RMDN2: variants seen among roughly 807,000 people sequenced by gnomAD.
RMDN2 encodes regulator of microtubule dynamics 2.
RMDN2 carries 61 observed loss-of-function variants against 52.8 expected under a neutral mutation model. The observed-to-expected ratio is 1.16, with a 90% CI of 0.94 to 1.43. The LOEUF (loss-of-function observed/expected upper bound fraction) is 1.43. Among genes scored for constraint, RMDN2 ranks in the 40% most tolerant of loss-of-function variants. The pLI, the probability that RMDN2 is intolerant of heterozygous loss-of-function variation, is 0.00. For synonymous variants in RMDN2, 180 were observed against 153.1 expected (o/e 1.18, Z -1.30); for missense variants, 592 against 475.3 (o/e 1.25, Z -2.28).
At chr2:37,935,198 A>C (rs1329985762) in intron 2 of RMDN2, among the ~76,000 whole-genome samples, 1 of 152,238 alleles carries the variant, frequency 6.6e-6, no homozygotes, top group African/African-American at 2.4e-5. Context: ...GCATAATGTC[A>C]GGCATAGTAT....
At chr2:37,951,727 C>G (rs538590900) in intron 2 of RMDN2, 2 of 1,612,338 alleles carry the variant, frequency 1.2e-6, no homozygotes, top group East Asian at 2.2e-5. Context: ...AATACTGATG[C>G]TAAAAAACAT....
intron 2 of RMDN2, among the ~76,000 whole-genome samples, chr2:37,963,915 T>C (rs1411837059): frequency 2.2e-5 from 3 of 138,154 alleles, no homozygotes; most frequent in Non-Finnish European, 4.8e-5. Context: ...CCCCCCCACC[T>C]CCCGGACGGG....
chr2:37,925,562 C>T (rs1165422508), intron 1 of RMDN2, 137 bp downstream of exon 1: 1 of 152,302 alleles, frequency 6.6e-6, no homozygotes, highest in African/African-American at 2.4e-5. Flanking sequence ...GAAGCTTGAG[C>T]CTGCTAGCCA....
At position 38,057,384 on chromosome 2, in the gene RMDN2, C is replaced by T. The variant is rs370506201; in HGVS notation, c.1714-9598C>T. ...TGAAATTTGAATTTCATAAAATGTT[C>T]ATGTGTCATAAAATACTTTTCCTCT... On this transcript the variant is annotated intron_variant, in intron 10 of 10. Coordinates refer to the RMDN2 transcript ENST00000234195. Among the ~76,000 whole-genome samples the T allele has an allele frequency of 2.0e-5, 3 of 152,182 alleles. No individual in the cohort carries two copies. In the East Asian group the frequency reaches 5.8e-4, roughly 29 times the overall value.
intron 7 of RMDN2, 98 bp downstream of exon 7, chr2:37,991,395 A>T: frequency 2.1e-6 from 1 of 467,734 alleles, no homozygotes; most frequent in Non-Finnish European, 3.7e-6. Flanking sequence ...CCCAGTGCCT[A>T]CTTTAGGGAG....
Position 37,963,967 on chromosome 2 carries a change from A to G in RMDN2, c.453-10073A>G, listed in dbSNP as rs1269798830. ...GGTGCCCCCCACCTCCCTCCCGGAC[A>G]GGGCGGCTGGCCGGGCGGGGGCTGC... On this transcript the variant is annotated intron_variant, in intron 2 of 10. Transcript: ENST00000354545. 4.2e-5 allele frequency among the ~76,000 whole-genome samples: 6 copies of G among 141,972 alleles called. No homozygotes were observed. In the East Asian group the frequency reaches 6.7e-4, roughly 16 times the overall value. 93.1% of individuals were successfully genotyped at this position (141,972 alleles called of 152,430 possible). A position where few individuals can be genotyped will look rare whatever the true frequency, so the allele number is the denominator to read the frequency against.
intron 2 of RMDN2, among the ~76,000 whole-genome samples, chr2:37,951,038 A>T (rs918147590): frequency 6.6e-6 from 1 of 152,002 alleles, no homozygotes; most frequent in Non-Finnish European, 1.5e-5. Flanking sequence ...AGACTCCCGC[A>T]TTCTTTTGGG....
At chr2:38,050,256 C>T (rs1681507506) in intron 10 of RMDN2, among the ~76,000 whole-genome samples, 1 of 151,948 alleles carries the variant, frequency 6.6e-6, no homozygotes, top group Admixed American at 6.6e-5. Context: ...TTCACTTCTA[C>T]AACCAACTTT....
intron 10 of RMDN2, among the ~76,000 whole-genome samples, chr2:38,006,858 T>C (rs1677168701): frequency 6.6e-6 from 1 of 152,216 alleles, no homozygotes; most frequent in African/African-American, 2.4e-5. Context: ...AGATAGCTCT[T>C]ATTATTTTGA....
intron 4 of RMDN2, 134 bp downstream of exon 4, chr2:37,975,448 A>G (rs1018688492): frequency 5.3e-5 from 29 of 545,078 alleles, no homozygotes; most frequent in African/African-American, 1.9e-5. Flanking sequence ...TCAGCAAACT[A>G]ACACAAGAAC....
intron 4 of RMDN2, among the ~76,000 whole-genome samples, chr2:37,980,615 A>T (rs768391515): frequency 1.8e-4 from 28 of 152,122 alleles, no homozygotes; most frequent in Non-Finnish European, 2.9e-4. Context: ...CAAATTAATT[A>T]TTACATGGTT....
chr2:37,958,371 A>C (rs985040769), intron 2 of RMDN2, among the ~76,000 whole-genome samples: 1 of 143,698 alleles, frequency 7.0e-6, no homozygotes, highest in Non-Finnish European at 1.5e-5. Context: ...ATCCCCTCTA[A>C]GTTGTATTCC....
intron 2 of RMDN2, among the ~76,000 whole-genome samples, chr2:37,964,049 C>A (rs1348581132): frequency 1.3e-5 from 2 of 151,416 alleles, no homozygotes; most frequent in Non-Finnish European, 3.0e-5. Flanking sequence ...CCCCCACCTC[C>A]CTCCCGGACG....
chr2:38,026,409 A>G (rs1236959358), intron 10 of RMDN2, among the ~76,000 whole-genome samples: 3 of 152,028 alleles, frequency 2.0e-5, no homozygotes, highest in Non-Finnish European at 2.9e-5. Context: ...GAAGTTTATC[A>G]ATGTTGCTGA....
intron 10 of RMDN2, among the ~76,000 whole-genome samples, chr2:38,023,953 T>C (rs1489716941): frequency 1.3e-5 from 2 of 152,218 alleles, no homozygotes; most frequent in African/African-American, 4.8e-5. Context: ...CATCTCTCTC[T>C]GCAACCCCAT....
At chr2:37,965,462 A>T (rs1670914490) in intron 2 of RMDN2, among the ~76,000 whole-genome samples, 2 of 151,864 alleles carry the variant, frequency 1.3e-5, no homozygotes, top group Admixed American at 6.6e-5. Flanking sequence ...TTTTAAATTC[A>T]TACCAACTTA....
chr2:37,951,843 C>A (rs1239373885), intron 2 of RMDN2: 53 of 1,613,616 alleles, frequency 3.3e-5, no homozygotes, highest in Non-Finnish European at 4.2e-5. Flanking sequence ...CTCCTATCAA[C>A]AAAGCACATC....
At chr2:37,964,441 T>C (rs924626450) in intron 2 of RMDN2, among the ~76,000 whole-genome samples, 6 of 152,246 alleles carry the variant, frequency 3.9e-5, no homozygotes, top group Admixed American at 6.5e-5. Context: ...CTTTGGCCCA[T>C]TGGTTGTTTA....
chr2:37,971,316 A>G (rs189008432), intron 2 of RMDN2, among the ~76,000 whole-genome samples: 1 of 152,230 alleles, frequency 6.6e-6, no homozygotes, highest in East Asian at 1.9e-4. Flanking sequence ...TTGTTCTAGC[A>G]CTATTTGTTG....
Sources: gnomAD v4.1 joint callset for allele counts (sites outside exome capture counted in the v4.1 genomes callset) on GRCh38, gnomAD v4.1.1 for gene constraint, MANE v1.5 for transcripts, NCBI Gene and HGNC (gene_info 2026-07-23, HGNC 2026-07-21) for gene names.